TBC1D10B: variants seen among roughly 807,000 people sequenced by gnomAD.
TBC1D10B encodes Rab27A-GAPbeta.
Under a neutral mutation model 78.4 loss-of-function variants are expected in TBC1D10B, and 25 were observed. That is an observed-to-expected ratio of 0.32 (90% confidence interval 0.23 to 0.45). The LOEUF (loss-of-function observed/expected upper bound fraction) is 0.45, where lower values mean the gene tolerates loss of function less well. Among genes scored for constraint, TBC1D10B ranks in the 20% least tolerant of loss-of-function variants. The pLI, the probability that TBC1D10B is intolerant of heterozygous loss-of-function variation, is 1.00. For synonymous variants in TBC1D10B, 517 were observed against 478.0 expected, an observed-to-expected ratio of 1.08 and a Z score of -1.06; for missense variants, 996 against 1,104.8, an observed-to-expected ratio of 0.90 and a Z score of 1.40.
At chr16:30,367,657 T>C (rs573545381) in intron 1 of TBC1D10B, 1 of 152,208 alleles carries the variant, frequency 6.6e-6, no homozygotes, top group Admixed American at 6.5e-5. Context: ...AGCCTGAATA[T>C]GAAGGGGAAA....
At position 30,358,707 on chromosome 16, in the gene TBC1D10B, T is replaced by C; in HGVS notation, c.1753A>G (p.Asn585Asp). ...TCCTGCATGCACTGCTGGGGCAGGT[T>C]ACGCAGCTGCTCCATGGTCTCATAC... ...GMYETMEQLRNLPQQCMQEDF... is the reference protein window; with the variant it reads ...GMYETMEQLRDLPQQCMQEDF... Residue 585 changes from asparagine to aspartate, a missense_variant, in exon 8 of 9, where the codon AAC becomes GAC. Asn to Asp is a conservative substitution (Grantham distance 23). This residue lies in a region of TBC1D10B where 168 missense variants were observed against 238.7 expected (regional missense o/e 0.70). Coordinates refer to ENST00000409939, the MANE Select transcript of TBC1D10B (RefSeq NM_015527.4). 6.2e-7 allele frequency: 1 copy of C among 1,610,802 alleles called. No individual in the cohort carries two copies. Among genetic ancestry groups the C allele is most frequent in the Non-Finnish European group, 8.5e-7 (1 of 1,177,954 alleles).
chr16:30,365,428 C>T lies in TBC1D10B; in HGVS notation c.1056+67G>A. ...GGGCAGATATTATCGGCTTCCTGGG[C>T]TTCCCTGGAGCACATGCTACCCCTC... On this transcript the variant is annotated intron_variant, in intron 2 of 8. Transcript: ENST00000409939. The surrounding 1 kb of genome is among the most constrained non-coding windows in gnomAD (Gnocchi z 5.0). The T allele has an allele frequency of 1.3e-6, 2 of 1,570,686 alleles. No individual in the cohort carries two copies. Among genetic ancestry groups the T allele is most frequent in the East Asian group, 4.5e-5 (2 of 44,678 alleles).
At chr16:30,361,908 G>A (rs542008093) in intron 4 of TBC1D10B, among the ~76,000 whole-genome samples, 5 of 151,330 alleles carry the variant, frequency 3.3e-5, no homozygotes, top group Non-Finnish European at 5.9e-5. Flanking sequence ...GTGCAGTGGC[G>A]CGATCTCGGC....
chr16:30,369,898 C>T lies in TBC1D10B; in HGVS notation c.286G>A (p.Ala96Thr). The change falls in exon 1 of 9, where the codon GCC (alanine) becomes ACC (threonine). Residue 96 changes from alanine (A) to threonine (T), a missense_variant. Transcript: ENST00000409939. This position sits in a 1 kb window ranked among gnomAD's most constrained non-coding sequence, Gnocchi z 4.3. ...GSTVVVLTLEASPEAPKPQLP... is the reference protein window; with the variant it reads ...GSTVVVLTLETSPEAPKPQLP... ...TGCGGCTTTGGGGCTTCGGGCGAGG[C>T]CTCCAGGGTCAGCACCACCACCGTG... is the stretch of plus-strand genomic sequence containing the variant. 2 of 1,387,668 alleles carry T rather than the reference C, an allele frequency of 1.4e-6. No individual in the cohort carries two copies. Among genetic ancestry groups the T allele is most frequent in the Non-Finnish European group, 9.3e-7 (1 of 1,074,618 alleles). The allele number at this position is 1,387,668 out of a possible 1,614,324, so 86.0% of individuals were successfully genotyped here. A position where few individuals can be genotyped will look rare whatever the true frequency, so the allele number is the denominator to read the frequency against.
rs947224406 is a variant in TBC1D10B, at chr16:30,357,587, A to G, written c.*357T>C. ...AGGAAGCCAGCTCCACCTCATGGTAAGGGGAGCTATGGAGTGTAAGAATCT... is the reference window on the plus strand; with the variant it reads ...AGGAAGCCAGCTCCACCTCATGGTAGGGGGAGCTATGGAGTGTAAGAATCT... On this transcript the variant is annotated 3_prime_UTR_variant, in exon 9 of 9. Coordinates refer to ENST00000409939, the MANE Select transcript of TBC1D10B (RefSeq NM_015527.4). 1.4e-5 allele frequency: 4 copies of G among 287,086 alleles called. No individual in the cohort carries two copies. The highest frequency in any genetic ancestry group is 4.2e-5 in the African/African-American group (2 of 47,060). The allele number at this position is 287,086 out of a possible 1,614,324, so 17.8% of individuals were successfully genotyped here.
chr16:30,358,619 G>A (rs1449818889), intron 8 of TBC1D10B, 44 bp downstream of exon 8: 1 of 1,588,462 alleles, frequency 6.3e-7, no homozygotes, highest in Non-Finnish European at 8.6e-7. Context: ...GAGGGTGGGA[G>A]CGGGCTGAGG....
chr16:30,362,545 G>A (rs372487464), intron 4 of TBC1D10B, among the ~76,000 whole-genome samples: 30 of 152,008 alleles, frequency 2.0e-4, no homozygotes, highest in African/African-American at 6.0e-4. Flanking sequence ...TGGACATTTC[G>A]CATCAATTCC....
intron 4 of TBC1D10B, among the ~76,000 whole-genome samples, chr16:30,360,961 C>G (rs1373292789): frequency 6.6e-6 from 1 of 151,978 alleles, no homozygotes; most frequent in Non-Finnish European, 1.5e-5. Context: ...ACAAGCATAC[C>G]CACATGCTGT....
chr16:30,369,733 C>A lies in TBC1D10B; in HGVS notation c.451G>T (p.Gly151Trp). Reference sequence around the variant, plus strand: ...CTGGAAGGGGTCCTGGTAGGGGTCCCGGTGGGGGTCCCTGGTCCTGGGGCG... The same window carrying A: ...CTGGAAGGGGTCCTGGTAGGGGTCCAGGTGGGGGTCCCTGGTCCTGGGGCG... ...SPAPGPGTPT[G>W]TPTRTPSRTA... The change falls in exon 1 of 9, where the codon GGG becomes TGG. Residue 151 changes from glycine to tryptophan, a missense_variant. By Grantham distance (184) the Gly-to-Trp change is radical. This residue lies in a region of TBC1D10B where 448 missense variants were observed against 442.1 expected (regional missense o/e 1.01). Coordinates refer to ENST00000409939, the MANE Select transcript of TBC1D10B (RefSeq NM_015527.4). The surrounding 1 kb of genome is among the most constrained non-coding windows in gnomAD (Gnocchi z 4.3). The A allele has an allele frequency of 1.4e-6, 2 of 1,467,026 alleles. No homozygotes were observed. Among genetic ancestry groups the A allele is most frequent in the South Asian group, 2.8e-5 (2 of 71,054 alleles). 90.9% of individuals were successfully genotyped at this position (1,467,026 alleles called of 1,614,324 possible).
intron 4 of TBC1D10B, among the ~76,000 whole-genome samples, chr16:30,363,160 C>T (rs1035936248): frequency 1.3e-5 from 2 of 152,186 alleles, no homozygotes; most frequent in African/African-American, 4.8e-5. Flanking sequence ...AGGCCAAAAA[C>T]CCTACTCCCC....
chr16:30,369,217 C>CTGGT lies in TBC1D10B; in HGVS notation c.956+7_956+10dup, dbSNP rs767606939. The CTGGT allele has an allele frequency of 2.0e-5, 32 of 1,567,782 alleles. No individual in the cohort carries two copies. Among genetic ancestry groups the CTGGT allele is most frequent in the Non-Finnish European group, 2.8e-5 (32 of 1,156,714 alleles). On this transcript the variant is annotated intron_variant, in intron 1 of 8. Coordinates refer to ENST00000409939, the MANE Select transcript of TBC1D10B (RefSeq NM_015527.4). This position sits in a 1 kb window ranked among gnomAD's most constrained non-coding sequence, Gnocchi z 4.3. ...CCGAGGCGGTCCCGCTGGGTGCCCA[C>CTGGT]TGGTACTCACAGGCTGCCCGAGTAC...
At chr16:30,363,870 C>A (rs1240188996) in intron 4 of TBC1D10B, among the ~76,000 whole-genome samples, 2 of 152,186 alleles carry the variant, frequency 1.3e-5, no homozygotes, top group Non-Finnish European at 2.9e-5. Flanking sequence ...AACGCTAGCA[C>A]TTTGGGAGGC....
rs1330538257 is a variant in TBC1D10B, at chr16:30,358,238, A to G, written c.2133T>C (p.Asn711=). ...CCTTGCTGGAACCCAAGGGGGTGCT[A>G]TTGCCAGTGGGTGAGGGAAGGGATG... The part of the protein sequence containing the change: ...LHPSLPSPTG[N]STPLGSSKET... Residue 711 remains asparagine (N), a synonymous_variant, in exon 9 of 9, where the codon AAT becomes AAC. Coordinates refer to ENST00000409939, the MANE Select transcript of TBC1D10B (RefSeq NM_015527.4). The G allele has an allele frequency of 4.5e-6, 7 of 1,558,980 alleles. No individual in the cohort carries two copies. The highest frequency in any genetic ancestry group is 4.8e-5 in the East Asian group (2 of 41,488).
At chr16:30,363,729 G>GT (rs1259920343) in intron 4 of TBC1D10B, among the ~76,000 whole-genome samples, 2 of 152,152 alleles carry the variant, frequency 1.3e-5, no homozygotes, top group African/African-American at 4.8e-5. Context: ...GGAGTTTTTG[G>GT]TTTTTTGTTC....
Position 30,369,714 on chromosome 16 carries a change from G to C in TBC1D10B, c.470C>G (p.Pro157Arg). The stretch of plus-strand genomic sequence containing the variant: ...CAGGGCACCAGGAGCCGTTCTGGAA[G>C]GGGTCCTGGTAGGGGTCCCGGTGGG... ...GTPTGTPTRT[P>R]SRTAPGALTA... Residue 157 changes from proline to arginine, a missense_variant, in exon 1 of 9, where the codon CCT becomes CGT. This residue lies in a region of TBC1D10B where 448 missense variants were observed against 442.1 expected (regional missense o/e 1.01). Coordinates refer to ENST00000409939, the MANE Select transcript of TBC1D10B (RefSeq NM_015527.4). This position sits in a 1 kb window ranked among gnomAD's most constrained non-coding sequence, Gnocchi z 4.3. 6.7e-7 allele frequency: 1 copy of C among 1,497,924 alleles called. No homozygotes were observed. The highest frequency in any genetic ancestry group is 8.9e-7 in the Non-Finnish European group (1 of 1,122,428). 92.8% of individuals were successfully genotyped at this position (1,497,924 alleles called of 1,614,324 possible).
intron 4 of TBC1D10B, among the ~76,000 whole-genome samples, chr16:30,364,082 A>G (rs1270258172): frequency 6.7e-6 from 1 of 149,828 alleles, no homozygotes; most frequent in East Asian, 1.9e-4. Context: ...GTGCCACTGT[A>G]CTCCTGCCTC....
Position 30,369,920 on chromosome 16 carries a change from C to G in TBC1D10B, c.264G>C (p.Thr88=), listed in dbSNP as rs538411293. Residue 88 remains threonine (T), a synonymous_variant, in exon 1 of 9, where the codon ACG becomes ACC. Transcript: ENST00000409939. The surrounding 1 kb of genome is among the most constrained non-coding windows in gnomAD (Gnocchi z 4.3). The stretch of plus-strand genomic sequence containing the variant: ...AGGCCTCCAGGGTCAGCACCACCAC[C>G]GTGCTGCCCGTGACAGCCGGGGCTG... ...PAPAPAVTGS[T]VVVLTLEASP... 3.0e-6 allele frequency: 4 copies of G among 1,327,360 alleles called. No homozygotes were observed. The highest frequency in any genetic ancestry group is 6.0e-5 in the East Asian group (2 of 33,318). 82.2% of individuals were successfully genotyped at this position (1,327,360 alleles called of 1,614,324 possible). A position where few individuals can be genotyped will look rare whatever the true frequency, so the allele number is the denominator to read the frequency against.
Position 30,358,618 on chromosome 16 carries a change from A to G in TBC1D10B, c.1797+45T>C, listed in dbSNP as rs1362524141. 3 of 1,588,564 alleles carry G rather than the reference A, an allele frequency of 1.9e-6. No homozygotes were observed. In the South Asian group the frequency reaches 3.4e-5, roughly 18 times the overall value. ...GTACCAGAATGGAGCTGAGGGTGGG[A>G]GCGGGCTGAGGCAGGCAGGGGCTGC... On this transcript the variant is annotated intron_variant, in intron 8 of 8. Coordinates refer to ENST00000409939, the MANE Select transcript of TBC1D10B (RefSeq NM_015527.4).
chr16:30,361,991 C>T (rs1053258908), intron 4 of TBC1D10B, among the ~76,000 whole-genome samples: 2 of 152,252 alleles, frequency 1.3e-5, no homozygotes, highest in Non-Finnish European at 2.9e-5. Flanking sequence ...CAACTACAGG[C>T]GCCCGCCACC....
Sources: gnomAD v4.1 joint callset for allele counts (sites outside exome capture counted in the v4.1 genomes callset) on GRCh38, gnomAD v4.1.1 for gene constraint, gnomAD v4.1.1 regional missense constraint, Gnocchi (gnomAD v3.1) non-coding constraint, MANE v1.5 for transcripts, NCBI Gene and HGNC (gene_info 2026-07-23, HGNC 2026-07-21) for gene names.